PPA1: variants seen among roughly 807,000 people sequenced by gnomAD.
PPA1 encodes the protein inorganic pyrophosphatase.
In PPA1, 23 loss-of-function variants were observed where a neutral mutation model predicts 41.8. The observed-to-expected ratio is 0.55, with a 90% confidence interval of 0.40 to 0.78. The LOEUF is 0.78. Among genes scored for constraint, PPA1 ranks in the 30% least tolerant of loss-of-function variants. The pLI, the probability that PPA1 is intolerant of heterozygous loss-of-function variation, is 0.00. For synonymous variants in PPA1, 101 were observed against 116.8 expected (o/e 0.86, Z 0.87); for missense variants, 320 against 361.6 (o/e 0.89, Z 0.93).
intron 2 of PPA1, among the ~76,000 whole-genome samples, chr10:70,230,099 G>A (rs1342549872): frequency 1.3e-5 from 2 of 152,134 alleles, no homozygotes; most frequent in Non-Finnish European, 2.9e-5. Flanking sequence ...TGTAGAGACA[G>A]GGTTTCACCA....
chr10:70,203,256 A>G, intron 10 of PPA1, 70 bp from the exon 11 acceptor site: 2 of 1,299,592 alleles, frequency 1.5e-6, no homozygotes, highest in Non-Finnish European at 1.1e-6. Context: ...AACATATAAC[A>G]AAGACTAATA....
chr10:70,203,487 T>C, intron 10 of PPA1: 1 of 264,584 alleles, frequency 3.8e-6, no homozygotes, highest in Non-Finnish European at 7.2e-6. Context: ...CACTGCAACC[T>C]CCATCTTCCA....
intron 6 of PPA1, chr10:70,210,386 AG>A: frequency 7.3e-7 from 1 of 1,365,568 alleles, no homozygotes; most frequent in Non-Finnish European, 9.8e-7. Context: ...CCAGAGGCAG[AG>A]GCTATGTCAG....
At chr10:70,221,742 A>G (rs994764024) in intron 2 of PPA1, among the ~76,000 whole-genome samples, 7 of 152,196 alleles carry the variant, frequency 4.6e-5, no homozygotes, top group Non-Finnish European at 1.0e-4. Context: ...GATCAACTGA[A>G]GAGCTCGCCA....
intron 7 of PPA1, 53 bp from the exon 8 acceptor site, chr10:70,209,343 T>C: frequency 7.0e-7 from 1 of 1,428,140 alleles, no homozygotes; most frequent in Non-Finnish European, 9.7e-7. Context: ...TATTTTCCTA[T>C]TATCAACATT....
chr10:70,213,990 A>G (rs1253063672), intron 5 of PPA1, among the ~76,000 whole-genome samples: 1 of 152,226 alleles, frequency 6.6e-6, no homozygotes, highest in Non-Finnish European at 1.5e-5. Context: ...TAAAAAACAA[A>G]ATGATAACTT....
At chr10:70,211,541 AATACAACT>A (rs1840019757) in intron 6 of PPA1, among the ~76,000 whole-genome samples, 1 of 152,204 alleles carries the variant, frequency 6.6e-6, no homozygotes, top group Non-Finnish European at 1.5e-5. Context: ...TCGTTATATA[AATACAACT>A]CAGGGACAGC....
chr10:70,207,817 A>G (rs906442493), intron 8 of PPA1, among the ~76,000 whole-genome samples: 15 of 152,246 alleles, frequency 9.9e-5, no homozygotes, highest in South Asian at 6.2e-4. Flanking sequence ...TTAAAAATAC[A>G]TTTTATTTTT....
At chr10:70,220,899 T>C (rs1420218405) in intron 2 of PPA1, among the ~76,000 whole-genome samples, 2 of 12,924 alleles carry the variant, frequency 1.5e-4, no homozygotes. Context: ...ACTATATATA[T>C]AATTTATATA....
chr10:70,211,481 A>C (rs575846218), intron 6 of PPA1, among the ~76,000 whole-genome samples: 1 of 152,278 alleles, frequency 6.6e-6, no homozygotes, highest in South Asian at 2.1e-4. Context: ...CAGGTCCCCT[A>C]ATTTGCTAAA....
rs772015229 is a variant in PPA1, at chr10:70,213,592, G to A, written c.385-3C>T. 1.2e-5 allele frequency: 19 copies of A among 1,613,166 alleles called. No homozygotes were observed. In the Admixed American group the frequency reaches 3.0e-4, roughly 25 times the overall value. ...ATTATTTCACCTCTTGCACATACCT[G>A]AGAGTCAATAGCCAAAGTCAGGACA... On this transcript the variant is annotated splice_polypyrimidine_tract_variant and splice_region_variant and intron_variant, in intron 5 of 10. Transcript: ENST00000373232.
At chr10:70,214,390 T>C in intron 5 of PPA1, 110 bp downstream of exon 5, 1 of 832,760 alleles carries the variant, frequency 1.2e-6, no homozygotes, top group Non-Finnish European at 1.9e-6. Context: ...AGAGACATCA[T>C]TATTTCACTA....
rs376013928 is a variant in PPA1, at chr10:70,209,698, G to A, written c.512-13C>T. ...ACATCATTGATATCTAAGAAGAGAA[G>A]AAGCATAAGATGACAGTGAGAATGA... is the stretch of plus-strand genomic sequence containing the variant. On this transcript the variant is annotated splice_polypyrimidine_tract_variant and intron_variant, in intron 6 of 10. Coordinates refer to ENST00000373232, the MANE Select transcript of PPA1 (RefSeq NM_021129.4). 25 of 1,574,998 alleles carry A rather than the reference G, an allele frequency of 1.6e-5. No individual in the cohort carries two copies. In the African/African-American group the frequency reaches 3.3e-4, roughly 21 times the overall value.
In PPA1 at chr10:70,206,032, A is replaced by C. The variant is rs975243114; in HGVS notation, c.795+232T>G. The C allele has an allele frequency of 1.4e-5, 7 of 501,482 alleles. No homozygotes were observed. The South Asian group carries it at 1.9e-4, about 14-fold the overall frequency. 31.1% of individuals were successfully genotyped at this position (501,482 alleles called of 1,614,324 possible). On this transcript the variant is annotated intron_variant, in intron 9 of 10. Coordinates refer to ENST00000373232, the MANE Select transcript of PPA1 (RefSeq NM_021129.4). The stretch of plus-strand genomic sequence containing the variant: ...AACCATTCTGATTTTTACAAATCTT[A>C]CTACCATGCTATCTGTCCAACTTAT...
At chr10:70,208,333 T>C (rs957580873) in intron 8 of PPA1, among the ~76,000 whole-genome samples, 6 of 152,000 alleles carry the variant, frequency 3.9e-5, no homozygotes, top group Admixed American at 3.3e-4. Context: ...AAAAGCCAAA[T>C]CTTTTTCCTT....
chr10:70,218,019 T>G, intron 3 of PPA1, 88 bp from the exon 4 acceptor site: 4 of 1,163,960 alleles, frequency 3.4e-6, no homozygotes, highest in Non-Finnish European at 3.5e-6. Flanking sequence ...ATGGTACCTA[T>G]GTTCCCTAAT....
chr10:70,209,542 C>A lies in PPA1; in HGVS notation c.639+16G>T. 9 of 1,586,778 alleles carry A rather than the reference C, an allele frequency of 5.7e-6. No homozygotes were observed. The highest frequency in any genetic ancestry group is 7.7e-6 in the Non-Finnish European group (9 of 1,172,636). On this transcript the variant is annotated intron_variant, in intron 7 of 10. Transcript: ENST00000373232. The stretch of plus-strand genomic sequence containing the variant: ...TACAAATGAGCCTAAAGCTACAGTT[C>A]TGAATGACATATTACCTTATCTTTA...
chr10:70,221,027 AATATATATATAAATT>A (rs1840154062), intron 2 of PPA1, among the ~76,000 whole-genome samples: 2 of 59,774 alleles, frequency 3.3e-5, no homozygotes, highest in Non-Finnish European at 5.6e-5. Context: ...TTATATATAT[AATATATATATAAATT>A]ATATATATAT....
chr10:70,203,000 T>C lies in PPA1; in HGVS notation c.*155A>G, dbSNP rs1839899621. The C allele has an allele frequency of 1.4e-6, 1 of 739,128 alleles. No homozygotes were observed. The highest frequency in any genetic ancestry group is 1.6e-5 in the South Asian group (1 of 63,820). 45.8% of individuals were successfully genotyped at this position (739,128 alleles called of 1,614,324 possible). ...AGATATGAAAAATGCTTTAGATGGA[T>C]AACATTCTGAGTATATTGGATTAGT... On this transcript the variant is annotated 3_prime_UTR_variant, in exon 11 of 11. Coordinates refer to ENST00000373232, the MANE Select transcript of PPA1 (RefSeq NM_021129.4).
Sources: gnomAD v4.1 joint callset for allele counts (sites outside exome capture counted in the v4.1 genomes callset) on GRCh38, gnomAD v4.1.1 for gene constraint, MANE v1.5 for transcripts, NCBI Gene and HGNC (gene_info 2026-07-23, HGNC 2026-07-21) for gene names.